DCC: variants seen among roughly 807,000 people sequenced by gnomAD.
The protein encoded by DCC is DCC netrin 1 receptor, also known as netrin receptor DCC.
In DCC, 58 loss-of-function variants were observed where a neutral mutation model predicts 172.5. The ratio of observed to expected loss-of-function variants is 0.34; its 90% confidence interval spans 0.27 to 0.42. The LOEUF (loss-of-function observed/expected upper bound fraction) is 0.42. DCC is among the 10% of genes least tolerant of loss of function. The pLI is 1.00. For missense variants in DCC, 1,740 were observed against 1,791.0 expected, an observed-to-expected ratio of 0.97 and a Z score of 0.51; for synonymous variants, 709 against 644.5, an observed-to-expected ratio of 1.10 and a Z score of -1.52.
chr18:53,069,353 C>T (rs1205868323), intron 7 of DCC, among the ~76,000 whole-genome samples: 1 of 152,118 alleles, frequency 6.6e-6, no homozygotes, highest in African/African-American at 2.4e-5. Context: ...AGAAGAAGCT[C>T]TATTTCGACC....
Position 52,785,436 on chromosome 18 carries a change from C to T in DCC, c.412+33062C>T, listed in dbSNP as rs558118738. Among the ~76,000 whole-genome samples the T allele has an allele frequency of 3.2e-4, 49 of 152,146 alleles. No homozygotes were observed. The Middle Eastern group carries it at 0.01, about 32-fold the overall frequency. Reference sequence around the variant, plus strand: ...CTCTGCTTAAGTAATTTCTTAAGTCCTATATCATTCCACCCTCTGCAGTGG... The same window carrying T: ...CTCTGCTTAAGTAATTTCTTAAGTCTTATATCATTCCACCCTCTGCAGTGG... On this transcript the variant is annotated intron_variant, in intron 2 of 28. Transcript: ENST00000442544.
intron 25 of DCC, 96 bp from the exon 26 acceptor site, chr18:53,486,701 A>T (rs2045904023): frequency 6.5e-7 from 1 of 1,532,772 alleles, no homozygotes; most frequent in Admixed American, 1.7e-5. Context: ...AAGAGTGTGT[A>T]TAGATTTGAG....
intron 1 of DCC, among the ~76,000 whole-genome samples, chr18:52,382,839 T>G (rs1436766837): frequency 6.6e-6 from 1 of 152,098 alleles, no homozygotes; most frequent in Non-Finnish European, 1.5e-5. Flanking sequence ...CAGGTGCCTG[T>G]GTAGGAGGCA....
intron 12 of DCC, among the ~76,000 whole-genome samples, chr18:53,242,561 A>C (rs1480646316): frequency 6.6e-6 from 1 of 152,202 alleles, no homozygotes; most frequent in Non-Finnish European, 1.5e-5. Context: ...ATTGCCTGTA[A>C]AGAGTATTTA....
At chr18:53,142,865 C>G (rs1240610921) in intron 7 of DCC, among the ~76,000 whole-genome samples, 1 of 152,084 alleles carries the variant, frequency 6.6e-6, no homozygotes, top group Non-Finnish European at 1.5e-5. Context: ...TGATGTCTTC[C>G]CAGACTCCTT....
intron 12 of DCC, among the ~76,000 whole-genome samples, chr18:53,244,118 C>T (rs950480482): frequency 6.6e-6 from 1 of 152,144 alleles, no homozygotes; most frequent in African/African-American, 2.4e-5. Flanking sequence ...AATTCACTTT[C>T]TCTTGTCACA....
intron 2 of DCC, among the ~76,000 whole-genome samples, chr18:52,900,485 A>T (rs1310182949): frequency 6.6e-6 from 1 of 152,198 alleles, no homozygotes; most frequent in African/African-American, 2.4e-5. Context: ...CTGTACAACT[A>T]TAATTAGAAT....
In DCC at chr18:52,924,313, A is replaced by T. The variant is rs1317898070; in HGVS notation, c.848+456A>T. On this transcript the variant is annotated intron_variant, in intron 4 of 28. Coordinates refer to ENST00000442544, the MANE Select transcript of DCC (RefSeq NM_005215.4). Reference sequence around the variant, plus strand: ...AAACATTACAGTCTACACTGTTATTATATGCAATTTTTGTCAACTGTACTT... The same window carrying T: ...AAACATTACAGTCTACACTGTTATTTTATGCAATTTTTGTCAACTGTACTT... 4.6e-5 allele frequency among the ~76,000 whole-genome samples: 7 copies of T among 152,250 alleles called. No homozygotes were observed. In the East Asian group the frequency reaches 7.7e-4, roughly 17 times the overall value.
chr18:52,638,880 C>T (rs1385732104), intron 1 of DCC, among the ~76,000 whole-genome samples: 2 of 152,210 alleles, frequency 1.3e-5, no homozygotes, highest in African/African-American at 2.4e-5. Flanking sequence ...ACAGAACATT[C>T]ATCCAAGAAC....
At chr18:52,736,535 T>C (rs2036733070) in intron 1 of DCC, among the ~76,000 whole-genome samples, 3 of 152,154 alleles carry the variant, frequency 2.0e-5, no homozygotes, top group Non-Finnish European at 1.5e-5. Context: ...TACTGTTTTT[T>C]GAACTGCAGA....
intron 1 of DCC, among the ~76,000 whole-genome samples, chr18:52,720,080 T>C (rs1328374137): frequency 6.6e-6 from 1 of 152,038 alleles, no homozygotes; most frequent in Non-Finnish European, 1.5e-5. Flanking sequence ...CTAGGTATGA[T>C]ACGGTGGCGC....
intron 22 of DCC, among the ~76,000 whole-genome samples, chr18:53,448,047 G>GTTTTTTTTTTTTTTTTTTT (rs35238619): frequency 1.8e-5 from 2 of 113,756 alleles, no homozygotes; most frequent in African/African-American, 3.4e-5. Flanking sequence ...ATTTTGATGA[G>GTTTTTTTTTTTTTTTTTTT]TTTTTTTTTT....
chr18:52,516,241 AT>A (rs2031637032), intron 1 of DCC, among the ~76,000 whole-genome samples: 5 of 152,218 alleles, frequency 3.3e-5, no homozygotes, highest in Non-Finnish European at 5.9e-5. Flanking sequence ...CTGGGCATTT[AT>A]TTCAGAGAAA....
intron 7 of DCC, among the ~76,000 whole-genome samples, chr18:53,132,470 C>G (rs1194800377): frequency 2.0e-5 from 3 of 152,106 alleles, no homozygotes; most frequent in African/African-American, 4.8e-5. Context: ...CTTCCCCTTT[C>G]CATTCTGATC....
chr18:52,469,138 A>G (rs1209585130), intron 1 of DCC, among the ~76,000 whole-genome samples: 1 of 152,018 alleles, frequency 6.6e-6, no homozygotes, highest in Non-Finnish European at 1.5e-5. Flanking sequence ...GCTCACTGCA[A>G]ACTCTGCCTC....
chr18:53,189,222 T>C (rs569107482), intron 9 of DCC, among the ~76,000 whole-genome samples: 15 of 152,156 alleles, frequency 9.9e-5, no homozygotes, highest in African/African-American at 3.1e-4. Context: ...TATGTGTATA[T>C]GTATATATGT....
chr18:53,155,199 C>T (rs1035750329), intron 7 of DCC, among the ~76,000 whole-genome samples: 1 of 151,670 alleles, frequency 6.6e-6, no homozygotes, highest in African/African-American at 2.4e-5. Flanking sequence ...TGGGGTATTT[C>T]CACTACCCAG....
At chr18:53,274,039 G>T (rs2056777911) in intron 12 of DCC, among the ~76,000 whole-genome samples, 1 of 152,004 alleles carries the variant, frequency 6.6e-6, no homozygotes, top group Non-Finnish European at 1.5e-5. Context: ...ACATTTAAAA[G>T]GAATTTTTCA....
intron 5 of DCC, among the ~76,000 whole-genome samples, chr18:53,011,398 CAT>C (rs1020809396): frequency 5.3e-5 from 8 of 151,720 alleles, no homozygotes; most frequent in African/African-American, 1.9e-4. Context: ...TTTTCCTCCT[CAT>C]ATTTAAATTC....
Sources: allele counts gnomAD v4.1 joint callset (sites outside exome capture counted in the v4.1 genomes callset), GRCh38; gene constraint gnomAD v4.1.1; transcripts MANE v1.5; gene names NCBI Gene and HGNC (gene_info 2026-07-23, HGNC 2026-07-21).